The following GPC5 variants were observed in gnomAD, a reference collection of about 807,000 sequenced individuals.
GPC5 encodes the protein glypican 5.
A neutral mutation model predicts 53.9 loss-of-function variants in GPC5; 47 were observed. The observed-to-expected ratio is 0.87, with a 90% CI of 0.69 to 1.11. The LOEUF (loss-of-function observed/expected upper bound fraction) is 1.11, where lower values mean the gene tolerates loss of function less well. Ranked by LOEUF, GPC5 falls within the 50% of genes most tolerant of loss-of-function variation. The probability of loss-of-function intolerance (pLI) is 0.00; values close to 1 mark genes in which losing one functional copy is unlikely to be tolerated. For synonymous variants in GPC5, 286 were observed against 263.3 expected, an observed-to-expected ratio of 1.09 and a Z score of -0.84; for missense variants, 748 against 713.1, an observed-to-expected ratio of 1.05 and a Z score of -0.56.
chr13:92,019,932 T>C (rs1018360733), intron 6 of GPC5, among the ~76,000 whole-genome samples: 1 of 152,118 alleles, frequency 6.6e-6, no homozygotes, highest in African/African-American at 2.4e-5. Context: ...TATTATCTTA[T>C]AATTCTGGAG....
chr13:91,579,861 G>A (rs930748297), intron 2 of GPC5, among the ~76,000 whole-genome samples: 4 of 151,428 alleles, frequency 2.6e-5, no homozygotes, highest in Admixed American at 6.6e-5. Flanking sequence ...TCCTGACCTC[G>A]TCATCTGCCT....
intron 7 of GPC5, among the ~76,000 whole-genome samples, chr13:92,359,095 GCTCACA>G (rs1253434742): frequency 1.3e-5 from 2 of 151,610 alleles, no homozygotes; most frequent in African/African-American, 2.4e-5. Flanking sequence ...TTATCTCTTT[GCTCACA>G]AATATAAGAA....
chr13:91,875,348 A>T (rs1001657331), intron 5 of GPC5, among the ~76,000 whole-genome samples: 1 of 152,190 alleles, frequency 6.6e-6, no homozygotes, highest in African/African-American at 2.4e-5. Context: ...GGTACTTTTA[A>T]ACAGGAATTA....
chr13:91,600,773 A>G (rs1286422027), intron 2 of GPC5, among the ~76,000 whole-genome samples: 3 of 152,140 alleles, frequency 2.0e-5, no homozygotes. Context: ...GCATAATTAT[A>G]GACTTCTAAA....
chr13:91,546,390 A>G (rs1187262924), intron 2 of GPC5, among the ~76,000 whole-genome samples: 2 of 152,142 alleles, frequency 1.3e-5, no homozygotes, highest in Admixed American at 6.5e-5. Flanking sequence ...AAAAAAGGCC[A>G]TTGCAAATTA....
intron 7 of GPC5, among the ~76,000 whole-genome samples, chr13:92,308,611 T>C (rs1401308462): frequency 6.6e-6 from 1 of 152,170 alleles, no homozygotes; most frequent in Non-Finnish European, 1.5e-5. Flanking sequence ...AAATGGAGAT[T>C]GAAGAGCCTT....
chr13:91,871,710 C>A (rs1280348692), intron 5 of GPC5, among the ~76,000 whole-genome samples: 1 of 150,132 alleles, frequency 6.7e-6, no homozygotes, highest in Non-Finnish European at 1.5e-5. Context: ...TTTTTTTCAG[C>A]CACTTTGGAT....
intron 7 of GPC5, among the ~76,000 whole-genome samples, chr13:92,250,632 G>A (rs2042685871): frequency 6.6e-6 from 1 of 151,954 alleles, no homozygotes; most frequent in South Asian, 2.1e-4. Context: ...GGTTTTCTCT[G>A]CTTTAAAATT....
intron 5 of GPC5, among the ~76,000 whole-genome samples, chr13:91,867,347 T>G (rs1284671576): frequency 1.3e-5 from 2 of 152,220 alleles, no homozygotes; most frequent in African/African-American, 4.8e-5. Flanking sequence ...TTGCCTGAAC[T>G]CTAATCTTCT....
intron 7 of GPC5, among the ~76,000 whole-genome samples, chr13:92,163,964 C>G (rs2042009280): frequency 6.6e-6 from 1 of 152,042 alleles, no homozygotes; most frequent in African/African-American, 2.4e-5. Flanking sequence ...GAGAGAAGTA[C>G]AGAGCAAAGG....
intron 7 of GPC5, among the ~76,000 whole-genome samples, chr13:92,472,343 C>T (rs1878945550): frequency 6.6e-6 from 1 of 152,056 alleles, no homozygotes; most frequent in Non-Finnish European, 1.5e-5. Context: ...TTGAGCAAAA[C>T]CAATGCTACT....
chr13:92,534,228 A>T (rs549586815), intron 7 of GPC5, among the ~76,000 whole-genome samples: 1 of 152,270 alleles, frequency 6.6e-6, no homozygotes, highest in Admixed American at 6.5e-5. Flanking sequence ...AAAAGGTTGC[A>T]GTGAACATGC....
chr13:92,261,175 A>G (rs2042764367), intron 7 of GPC5, among the ~76,000 whole-genome samples: 1 of 152,036 alleles, frequency 6.6e-6, no homozygotes, highest in Non-Finnish European at 1.5e-5. Flanking sequence ...TATTAAATGG[A>G]AAAACTAGAA....
At chr13:92,865,956 A>G (rs1222984978) in intron 7 of GPC5, among the ~76,000 whole-genome samples, 3 of 152,160 alleles carry the variant, frequency 2.0e-5, no homozygotes, top group African/African-American at 7.2e-5. Flanking sequence ...CTGAAACAAG[A>G]ACTAATCCCA....
chr13:92,062,998 A>G (rs1157596562), intron 6 of GPC5, among the ~76,000 whole-genome samples: 1 of 151,664 alleles, frequency 6.6e-6, no homozygotes, highest in Admixed American at 6.5e-5. Flanking sequence ...AGATCTGCAT[A>G]TGAAGGAGAG....
intron 3 of GPC5, among the ~76,000 whole-genome samples, chr13:91,713,394 C>T (rs1371160915): frequency 6.7e-6 from 1 of 150,074 alleles, no homozygotes; most frequent in African/African-American, 2.4e-5. Flanking sequence ...GTAACTGTAT[C>T]TTCTCTTCAT....
intron 7 of GPC5, among the ~76,000 whole-genome samples, chr13:92,730,980 CAGATGACTCCAG>C (rs1888786412): frequency 6.6e-6 from 1 of 151,380 alleles, no homozygotes; most frequent in Non-Finnish European, 1.5e-5. Context: ...AGGACTCCTT[CAGATGACTCCAG>C]AGATGAGTCT....
chr13:91,636,584 G>GT (rs1299016540), intron 2 of GPC5, among the ~76,000 whole-genome samples: 2 of 152,106 alleles, frequency 1.3e-5, no homozygotes, highest in Non-Finnish European at 2.9e-5. Context: ...TAATTTACAG[G>GT]TAAGATGATC....
intron 7 of GPC5, among the ~76,000 whole-genome samples, chr13:92,267,058 A>G (rs1224684927): frequency 6.6e-6 from 1 of 151,982 alleles, no homozygotes; most frequent in Non-Finnish European, 1.5e-5. Context: ...CTTTAGCTTC[A>G]TGCAATTTTG....
Sources: gnomAD v4.1 joint callset for allele counts (sites outside exome capture counted in the v4.1 genomes callset) on GRCh38, gnomAD v4.1.1 for gene constraint, MANE v1.5 for transcripts, NCBI Gene and HGNC (gene_info 2026-07-23, HGNC 2026-07-21) for gene names.